Variants in DCLK1 observed in about 807,000 individuals in gnomAD.
DCLK1 encodes the protein serine/threonine-protein kinase DCLK1.
DCLK1 carries 16 observed loss-of-function variants against 86.2 expected under a neutral mutation model. That is an observed-to-expected ratio of 0.19 (90% confidence interval 0.13 to 0.28). The LOEUF is 0.28. DCLK1 is among the 10% of genes least tolerant of loss of function. The pLI is 1.00. For synonymous variants in DCLK1, 369 were observed against 370.5 expected (o/e 1.00, Z 0.05); for missense variants, 590 against 940.2 (o/e 0.63, Z 4.87).
At chr13:36,087,994 A>G (rs930945055) in intron 3 of DCLK1, among the ~76,000 whole-genome samples, 9 of 152,162 alleles carry the variant, frequency 5.9e-5, no homozygotes, top group Non-Finnish European at 8.8e-5. Context: ...TCTAAACAAC[A>G]ATGTTTTTTA....
chr13:35,847,050 T>C, intron 6 of DCLK1: 4 of 985,234 alleles, frequency 4.1e-6, no homozygotes, highest in Non-Finnish European at 3.6e-6. Flanking sequence ...AGTATAGTGA[T>C]TGGCAACCAC....
At chr13:35,850,462 C>T in intron 6 of DCLK1, 1 of 1,147,164 alleles carries the variant, frequency 8.7e-7, no homozygotes, top group Non-Finnish European at 1.1e-6. Flanking sequence ...AGAGCCAGGC[C>T]CTGTACAAAA....
chr13:36,096,862 C>T (rs1485499735), intron 3 of DCLK1, among the ~76,000 whole-genome samples: 3 of 152,144 alleles, frequency 2.0e-5, no homozygotes, highest in Non-Finnish European at 4.4e-5. Flanking sequence ...ATTATTCCAT[C>T]CTGCCATGAA....
intron 4 of DCLK1, among the ~76,000 whole-genome samples, chr13:35,941,438 T>C (rs1335719816): frequency 6.6e-6 from 1 of 152,186 alleles, no homozygotes; most frequent in African/African-American, 2.4e-5. Flanking sequence ...TAAGAGAAGC[T>C]GAGGAAATGT....
intron 6 of DCLK1, among the ~76,000 whole-genome samples, chr13:35,842,975 G>A (rs553772688): frequency 6.6e-6 from 1 of 152,144 alleles, no homozygotes; most frequent in Non-Finnish European, 1.5e-5. Context: ...TAAGTCCAAC[G>A]AAAGGATTTC....
intron 2 of DCLK1, among the ~76,000 whole-genome samples, chr13:36,123,624 C>T (rs973730906): frequency 2.6e-5 from 4 of 152,220 alleles, no homozygotes; most frequent in Non-Finnish European, 5.9e-5. Context: ...TCTACCATTT[C>T]TTTCTTTGTG....
At chr13:36,019,066 T>C (rs1881655077) in intron 3 of DCLK1, among the ~76,000 whole-genome samples, 1 of 152,206 alleles carries the variant, frequency 6.6e-6, no homozygotes, top group Non-Finnish European at 1.5e-5. Context: ...TTTATTCTTA[T>C]TTTGCTTTTT....
chr13:35,920,853 C>G (rs1448494656), intron 4 of DCLK1, among the ~76,000 whole-genome samples: 1 of 152,094 alleles, frequency 6.6e-6, no homozygotes, highest in Non-Finnish European at 1.5e-5. Flanking sequence ...CGATGTGGCC[C>G]CCAGCAAGGA....
intron 3 of DCLK1, among the ~76,000 whole-genome samples, chr13:35,965,799 G>A (rs1166602367): frequency 6.6e-6 from 1 of 151,898 alleles, no homozygotes; most frequent in African/African-American, 2.4e-5. Context: ...TCTCTCAGCC[G>A]TTTTGTTTTG....
chr13:35,938,926 A>C (rs1349062299), intron 4 of DCLK1, among the ~76,000 whole-genome samples: 1 of 152,188 alleles, frequency 6.6e-6, no homozygotes, highest in African/African-American at 2.4e-5. Context: ...AAGATTGCAG[A>C]TGTTATACAA....
At chr13:35,922,743 T>C (rs942928592) in intron 4 of DCLK1, among the ~76,000 whole-genome samples, 1 of 152,198 alleles carries the variant, frequency 6.6e-6, no homozygotes, top group African/African-American at 2.4e-5. Flanking sequence ...GCCACACACC[T>C]GGCATGTGTT....
chr13:35,785,086 G>C (rs1441842427), intron 16 of DCLK1, among the ~76,000 whole-genome samples: 1 of 152,130 alleles, frequency 6.6e-6, no homozygotes, highest in Non-Finnish European at 1.5e-5. Flanking sequence ...CCACCCTTTT[G>C]TCCTAGCTCA....
At chr13:35,938,551 C>T (rs1876901930) in intron 4 of DCLK1, among the ~76,000 whole-genome samples, 1 of 151,988 alleles carries the variant, frequency 6.6e-6, no homozygotes, top group African/African-American at 2.4e-5. Context: ...ATCACTTGAA[C>T]CCGGGAGGCA....
intron 3 of DCLK1, among the ~76,000 whole-genome samples, chr13:35,993,746 A>G (rs1880348839): frequency 6.6e-6 from 1 of 152,142 alleles, no homozygotes; most frequent in Admixed American, 6.5e-5. Context: ...TAATAACATC[A>G]TCAAAGACAT....
At chr13:35,902,341 A>T (rs1874415805) in intron 4 of DCLK1, among the ~76,000 whole-genome samples, 1 of 152,206 alleles carries the variant, frequency 6.6e-6, no homozygotes, top group Non-Finnish European at 1.5e-5. Context: ...CACCACAGAC[A>T]TTGCTAATCG....
At chr13:36,027,317 A>G (rs1440852657) in intron 3 of DCLK1, among the ~76,000 whole-genome samples, 1 of 152,204 alleles carries the variant, frequency 6.6e-6, no homozygotes, top group African/African-American at 2.4e-5. Flanking sequence ...TCCTGTAAGA[A>G]TCTAATGCTG....
chr13:35,910,175 A>G (rs1364762419), intron 4 of DCLK1, among the ~76,000 whole-genome samples: 1 of 152,144 alleles, frequency 6.6e-6, no homozygotes, highest in South Asian at 2.1e-4. Context: ...CTTAATTGTA[A>G]CCTACTTTCC....
intron 6 of DCLK1, among the ~76,000 whole-genome samples, chr13:35,853,882 T>TC (rs1171943212): frequency 6.6e-6 from 1 of 152,140 alleles, no homozygotes; most frequent in African/African-American, 2.4e-5. Flanking sequence ...AGAACAGTAG[T>TC]CTCTCCATCC....
At chr13:35,925,789 T>C (rs748992917) in intron 4 of DCLK1, among the ~76,000 whole-genome samples, 15 of 152,192 alleles carry the variant, frequency 9.9e-5, no homozygotes, top group East Asian at 1.9e-4. Flanking sequence ...AGTTTACATA[T>C]ACGGACTCTA....
Sources: allele counts gnomAD v4.1 joint callset (sites outside exome capture counted in the v4.1 genomes callset), GRCh38; gene constraint gnomAD v4.1.1; transcripts MANE v1.5; gene names NCBI Gene and HGNC (gene_info 2026-07-23, HGNC 2026-07-21).